NLGN1: variants seen among roughly 807,000 people sequenced by gnomAD.
NLGN1 encodes the protein neuroligin 1.
Under a neutral mutation model 65.5 loss-of-function variants are expected in NLGN1, and 12 were observed. That is an observed-to-expected ratio of 0.18 (90% CI 0.12 to 0.30). The LOEUF (loss-of-function observed/expected upper bound fraction) is 0.30, where lower values mean the gene tolerates loss of function less well. Ranked by LOEUF, NLGN1 falls within the 10% of genes least tolerant of loss-of-function variation. The pLI is 1.00. For missense variants in NLGN1, 750 were observed against 1,007.1 expected, an observed-to-expected ratio of 0.74 and a Z score of 3.46; for synonymous variants, 350 against 359.5, an observed-to-expected ratio of 0.97 and a Z score of 0.30.
chr3:173,740,718 C>T (rs1182348372), intron 3 of NLGN1, among the ~76,000 whole-genome samples: 2 of 151,976 alleles, frequency 1.3e-5, no homozygotes, highest in Non-Finnish European at 2.9e-5. Context: ...CTTGTTTTTG[C>T]TCACACCATA....
intron 4 of NLGN1, among the ~76,000 whole-genome samples, chr3:174,185,660 A>C (rs1035427809): frequency 6.6e-6 from 1 of 152,102 alleles, no homozygotes; most frequent in African/African-American, 2.4e-5. Context: ...CAAAGTAATG[A>C]ATATAAAGAT....
intron 2 of NLGN1, among the ~76,000 whole-genome samples, chr3:173,524,466 C>T (rs539224256): frequency 5.3e-5 from 8 of 152,138 alleles, no homozygotes; most frequent in South Asian, 2.1e-4. Flanking sequence ...GTTTTGCGGA[C>T]GAATCTTAAG....
intron 4 of NLGN1, among the ~76,000 whole-genome samples, chr3:174,173,409 GT>G (rs1205956510): frequency 6.6e-6 from 1 of 151,996 alleles, no homozygotes; most frequent in Non-Finnish European, 1.5e-5. Context: ...AAGGCTTTCA[GT>G]TTTTCCGCTT....
rs143880446 is a variant in NLGN1 at position 173,621,504 on chromosome 3, A to G, written c.493+16413A>G. Reference sequence around the variant, plus strand: ...GGCATTTTACTATCAACAAGTATGCATTGATGGTTTTTGGGCAAGGAGCTG... The same window carrying G: ...GGCATTTTACTATCAACAAGTATGCGTTGATGGTTTTTGGGCAAGGAGCTG... On this transcript the variant is annotated intron_variant, in intron 3 of 6. Coordinates refer to ENST00000457714, the Ensembl canonical transcript of NLGN1. Among the ~76,000 whole-genome samples the G allele has an allele frequency of 7.1e-4, 108 of 152,192 alleles. No homozygotes were observed. In the East Asian group the frequency reaches 0.02, roughly 28 times the overall value.
At chr3:173,904,523 A>G (rs1030475246) in intron 4 of NLGN1, among the ~76,000 whole-genome samples, 5 of 137,916 alleles carry the variant, frequency 3.6e-5, no homozygotes, top group African/African-American at 8.1e-5. Context: ...TTTTTTTTTC[A>G]TTTAGTTTCA....
At chr3:173,660,480 A>G (rs547797804) in intron 3 of NLGN1, among the ~76,000 whole-genome samples, 1 of 151,986 alleles carries the variant, frequency 6.6e-6, no homozygotes, top group South Asian at 2.1e-4. Flanking sequence ...TTCTGAATAT[A>G]TATACATTAT....
intron 4 of NLGN1, among the ~76,000 whole-genome samples, chr3:174,266,281 C>T (rs1256534923): frequency 1.3e-5 from 2 of 152,006 alleles, no homozygotes; most frequent in East Asian, 1.9e-4. Context: ...AATATTTAAC[C>T]TCCACTTACA....
chr3:173,632,951 G>C (rs1285590352), intron 3 of NLGN1, among the ~76,000 whole-genome samples: 7 of 149,350 alleles, frequency 4.7e-5, no homozygotes. Flanking sequence ...ATTGCTTCAA[G>C]CAAACTATCT....
chr3:173,547,726 G>A (rs1740134328), intron 2 of NLGN1, among the ~76,000 whole-genome samples: 1 of 152,060 alleles, frequency 6.6e-6, no homozygotes, highest in African/African-American at 2.4e-5. Flanking sequence ...TACAGACAAT[G>A]GATTAGTGGT....
At chr3:173,943,953 T>G (rs1047344049) in intron 4 of NLGN1, among the ~76,000 whole-genome samples, 1 of 152,222 alleles carries the variant, frequency 6.6e-6, no homozygotes, top group Admixed American at 6.5e-5. Context: ...ATATGTTTGC[T>G]TATATTTTCT....
intron 4 of NLGN1, among the ~76,000 whole-genome samples, chr3:174,043,908 G>A (rs917981679): frequency 6.6e-6 from 1 of 152,208 alleles, no homozygotes; most frequent in African/African-American, 2.4e-5. Flanking sequence ...CTCTGCCCCT[G>A]CAGCCTGCAG....
At chr3:173,811,444 A>G (rs1247258002) in intron 4 of NLGN1, among the ~76,000 whole-genome samples, 1 of 151,804 alleles carries the variant, frequency 6.6e-6, no homozygotes, top group African/African-American at 2.4e-5. Context: ...GGTGCCTGTA[A>G]TCACAGCTAC....
At chr3:174,117,432 C>G (rs551821299) in intron 4 of NLGN1, among the ~76,000 whole-genome samples, 1 of 151,778 alleles carries the variant, frequency 6.6e-6, no homozygotes, top group African/African-American at 2.4e-5. Flanking sequence ...CTGGCTAACA[C>G]GGTGAAACCT....
chr3:174,276,652 A>C (rs1366035593), intron 5 of NLGN1, among the ~76,000 whole-genome samples: 1 of 151,886 alleles, frequency 6.6e-6, no homozygotes, highest in Non-Finnish European at 1.5e-5. Context: ...CCAGTCATTA[A>C]ATGAATCCAT....
intron 4 of NLGN1, among the ~76,000 whole-genome samples, chr3:173,942,140 GTA>G (rs112716508): frequency 2.4e-3 from 355 of 147,238 alleles, no homozygotes; most frequent in African/African-American, 4.3e-3. Context: ...GTGTGTGTGT[GTA>G]TGTGTGTGTG....
Position 174,140,634 on chromosome 3 carries a change from C to T in NLGN1, c.647-134681C>T, listed in dbSNP as rs1417637122. On this transcript the variant is annotated intron_variant, in intron 4 of 6. Coordinates refer to ENST00000457714, the Ensembl canonical transcript of NLGN1. ...AATATGGTTCAGCAATGGGCTTAGC[C>T]ATTACTCCACGTTACTATATGTCAT... is the stretch of plus-strand genomic sequence containing the variant. Among the ~76,000 whole-genome samples, 3 of 152,102 alleles carry T rather than the reference C, an allele frequency of 2.0e-5. No individual in the cohort carries two copies. In the East Asian group the frequency reaches 5.8e-4, roughly 29 times the overall value.
At chr3:173,626,699 A>G (rs910449665) in intron 3 of NLGN1, among the ~76,000 whole-genome samples, 2 of 152,034 alleles carry the variant, frequency 1.3e-5, no homozygotes, top group African/African-American at 4.8e-5. Flanking sequence ...TACCTAGGCT[A>G]TTCTAGAACT....
chr3:173,765,587 TA>T (rs1778664350), intron 3 of NLGN1, among the ~76,000 whole-genome samples: 1 of 152,184 alleles, frequency 6.6e-6, no homozygotes, highest in African/African-American at 2.4e-5. Context: ...CATCTTCCCC[TA>T]CAGAATGTTA....
At chr3:173,696,396 A>G (rs577561820) in intron 3 of NLGN1, among the ~76,000 whole-genome samples, 43 of 152,252 alleles carry the variant, frequency 2.8e-4, no homozygotes, top group Non-Finnish European at 5.4e-4. Context: ...TTTATGTTTT[A>G]TAGGTATAGC....
Sources: allele counts gnomAD v4.1 joint callset (sites outside exome capture counted in the v4.1 genomes callset), GRCh38; gene constraint gnomAD v4.1.1; transcripts MANE v1.5; gene names NCBI Gene and HGNC (gene_info 2026-07-23, HGNC 2026-07-21).